Variants in STK10 observed in about 807,000 individuals in gnomAD.
STK10 encodes the protein serine/threonine-protein kinase 10.
STK10 carries 78 observed loss-of-function variants against 113.8 expected under a neutral mutation model. That is an observed-to-expected ratio of 0.69 (90% CI 0.57 to 0.83). STK10 has a LOEUF of 0.83. Among genes scored for constraint, STK10 ranks in the 40% least tolerant of loss-of-function variants. STK10 has a pLI of 0.00. For missense variants in STK10, 1,109 were observed against 1,280.1 expected (o/e 0.87, Z 2.04); for synonymous variants, 465 against 494.7 (o/e 0.94, Z 0.80).
At position 172,077,995 on chromosome 5, in the gene STK10, G is replaced by T. The variant is rs1013348450; in HGVS notation, c.1989+4331C>A. On this transcript the variant is annotated intron_variant, in intron 12 of 18. Coordinates refer to ENST00000176763, the MANE Select transcript of STK10 (RefSeq NM_005990.4). ...TTCAGAGGCTGCTCACCTGGTGGGGGGGGTCTCGTCCCTTCTAATTCTGTC... is the reference window on the plus strand; with the variant it reads ...TTCAGAGGCTGCTCACCTGGTGGGGTGGGTCTCGTCCCTTCTAATTCTGTC... Among the ~76,000 whole-genome samples the T allele has an allele frequency of 1.5e-3, 144 of 96,754 alleles. 1 individual carries two copies. The highest frequency in any genetic ancestry group is 2.5e-3 in the Non-Finnish European group (118 of 47,650). 63.5% of individuals were successfully genotyped at this position (96,754 alleles called of 152,430 possible).
In STK10 at chr5:172,093,601, G is replaced by A. The variant is rs770211295; in HGVS notation, c.1365C>T (p.Ser455=). Residue 455 remains serine, a synonymous_variant, in exon 9 of 19, where the codon AGC becomes AGT. Coordinates refer to ENST00000176763, the MANE Select transcript of STK10 (RefSeq NM_005990.4). This position sits in a 1 kb window ranked among gnomAD's most constrained non-coding sequence, Gnocchi z 4.1. ...QKASQSRPNS[S]ALETLGGEKL... is the part of the protein sequence containing the mutation. ...TCTCCCCACCCAAGGTCTCCAGGGC[G>A]CTGCTGTTGGGCCGGCTCTGGCTGG... 5 of 1,614,232 alleles carry A rather than the reference G, an allele frequency of 3.1e-6. No individual in the cohort carries two copies. The highest frequency in any genetic ancestry group is 1.3e-5 in the African/African-American group (1 of 75,070).
intron 2 of STK10, among the ~76,000 whole-genome samples, chr5:172,130,152 A>G (rs1315310179): frequency 3.3e-5 from 5 of 152,158 alleles, no homozygotes; most frequent in African/African-American, 1.2e-4. Context: ...GGCCTTGGAC[A>G]ACCGCCAATC....
intron 2 of STK10, among the ~76,000 whole-genome samples, chr5:172,142,408 G>A (rs6892814): frequency 0.39 from 58,570 of 151,974 alleles, 11,922 homozygotes; most frequent in African/African-American, 0.54. Flanking sequence ...CGCACAAAGA[G>A]AACCCGATGT....
chr5:172,078,923 CCT>C (rs1768370738), intron 12 of STK10, among the ~76,000 whole-genome samples: 1 of 149,914 alleles, frequency 6.7e-6, no homozygotes, highest in Non-Finnish European at 1.5e-5. Context: ...TCTGTCGCCT[CCT>C]CTCTCTCCCA....
Position 172,133,008 on chromosome 5 carries a change from G to A in STK10, c.322-5587C>T, listed in dbSNP as rs894697095. Among the ~76,000 whole-genome samples the A allele has an allele frequency of 4.6e-5, 7 of 152,318 alleles. No homozygotes were observed. The highest frequency in any genetic ancestry group is 1.9e-4 in the East Asian group (1 of 5,188). On this transcript the variant is annotated intron_variant, in intron 2 of 18. Transcript: ENST00000176763. This position sits in a 1 kb window ranked among gnomAD's most constrained non-coding sequence, Gnocchi z 4.9. ...GAGTTTTGAAGGGTGAATTTACCACGTGGGGAAGGGTAAAGGCACTCCTGG... is the reference window on the plus strand; with the variant it reads ...GAGTTTTGAAGGGTGAATTTACCACATGGGGAAGGGTAAAGGCACTCCTGG...
At chr5:172,076,614 C>T (rs895867421) in intron 12 of STK10, among the ~76,000 whole-genome samples, 3 of 152,218 alleles carry the variant, frequency 2.0e-5, no homozygotes, top group Non-Finnish European at 4.4e-5. Context: ...CAAAATGTTT[C>T]CAGATATTGC....
chr5:172,122,754 G>C (rs1256456085), intron 3 of STK10, among the ~76,000 whole-genome samples: 1 of 152,184 alleles, frequency 6.6e-6, no homozygotes, highest in African/African-American at 2.4e-5. Context: ...CTCCCAAGTA[G>C]CTGGGACTAC....
At chr5:172,123,608 A>T (rs936623814) in intron 3 of STK10, among the ~76,000 whole-genome samples, 1 of 152,158 alleles carries the variant, frequency 6.6e-6, no homozygotes, top group African/African-American at 2.4e-5. Flanking sequence ...TAGTATCAGC[A>T]CATATGGCTA....
intron 3 of STK10, among the ~76,000 whole-genome samples, chr5:172,119,324 G>T (rs540606519): frequency 8.5e-5 from 13 of 152,148 alleles, no homozygotes; most frequent in Non-Finnish European, 7.4e-5. Context: ...CAGGACCTTC[G>T]GGCCATGCTG....
chr5:172,161,960 C>A (rs1452152122), intron 1 of STK10, among the ~76,000 whole-genome samples: 4 of 152,188 alleles, frequency 2.6e-5, no homozygotes, highest in Admixed American at 2.6e-4. Context: ...CATGATGGGC[C>A]ATTTTCCAGA....
rs375928175 is a variant in STK10, at chr5:172,054,615, A to G, written c.2606T>C (p.Met869Thr). 6 of 1,610,366 alleles carry G rather than the reference A, an allele frequency of 3.7e-6. No homozygotes were observed. The African/African-American group carries it at 6.7e-5, about 18-fold the overall frequency. ...CATGTTGCTCTCACACTGCGCCAGC[A>G]TGTCCCGCATCTGGTTCTCGTGTTT... ...QQKHENQMRD[M>T]LAQCESNMSE... is the part of the protein sequence containing the mutation. Residue 869 changes from methionine to threonine, a missense_variant, in exon 17 of 19, where the codon ATG (methionine) becomes ACG (threonine). Physicochemically the swap from Met to Thr is moderately conservative, Grantham distance 81. Coordinates refer to ENST00000176763, the MANE Select transcript of STK10 (RefSeq NM_005990.4).
rs531279167 is a variant in STK10 at position 172,048,121 on chromosome 5, C to A, written c.2767-3099G>T. ...CAGCTTGGCAAGGCCACGGTATCCA[C>A]CTGTTTGGTCAAACACCAGCTAGAT... On this transcript the variant is annotated intron_variant, in intron 18 of 18. Transcript: ENST00000176763. 7.2e-5 allele frequency among the ~76,000 whole-genome samples: 11 copies of A among 152,210 alleles called. No homozygotes were observed. In the South Asian group the frequency reaches 1.2e-3, roughly 17 times the overall value.
intron 12 of STK10, among the ~76,000 whole-genome samples, chr5:172,078,045 A>G (rs1277028630): frequency 6.6e-6 from 1 of 152,074 alleles, no homozygotes; most frequent in Admixed American, 6.6e-5. Context: ...CTGCATCCTG[A>G]CCACTATGTC....
chr5:172,098,755 T>G (rs1000145432), intron 7 of STK10, among the ~76,000 whole-genome samples: 1 of 152,200 alleles, frequency 6.6e-6, no homozygotes, highest in African/African-American at 2.4e-5. Flanking sequence ...TTCCACCAAC[T>G]TGGGCAAGTC....
chr5:172,139,483 C>T (rs1376647205), intron 2 of STK10, among the ~76,000 whole-genome samples: 1 of 146,748 alleles, frequency 6.8e-6, no homozygotes, highest in African/African-American at 2.6e-5. Flanking sequence ...ATAGTGAGAC[C>T]CCATCTCTGG....
intron 18 of STK10, among the ~76,000 whole-genome samples, chr5:172,051,069 C>T (rs1296851726): frequency 1.3e-5 from 2 of 150,870 alleles, no homozygotes; most frequent in Non-Finnish European, 2.9e-5. Flanking sequence ...ACCGAGATAG[C>T]GCCACTCCGT....
intron 12 of STK10, among the ~76,000 whole-genome samples, chr5:172,081,160 G>C (rs1768418304): frequency 6.6e-6 from 1 of 152,072 alleles, no homozygotes. Flanking sequence ...AGACCAGCCT[G>C]GCCAATATGG....
At chr5:172,048,452 CAT>C (rs1554114844) in intron 18 of STK10, among the ~76,000 whole-genome samples, 1 of 151,114 alleles carries the variant, frequency 6.6e-6, no homozygotes, top group Non-Finnish European at 1.5e-5. Flanking sequence ...CACACACACA[CAT>C]CCTCTCTCTA....
At chr5:172,081,760 G>A (rs971585392) in intron 12 of STK10, among the ~76,000 whole-genome samples, 7 of 152,140 alleles carry the variant, frequency 4.6e-5, no homozygotes, top group African/African-American at 9.7e-5. Context: ...CTGCCCTGGG[G>A]GCTTCCAGCC....
Sources: gnomAD v4.1 joint callset for allele counts (sites outside exome capture counted in the v4.1 genomes callset) on GRCh38, gnomAD v4.1.1 for gene constraint, Gnocchi (gnomAD v3.1) non-coding constraint, MANE v1.5 for transcripts, NCBI Gene and HGNC (gene_info 2026-07-23, HGNC 2026-07-21) for gene names.